Variants in STAU2 observed in about 807,000 individuals in gnomAD.
The protein encoded by STAU2 is double-stranded RNA-binding protein Staufen homolog 2.
In STAU2, 20 loss-of-function variants were observed where a neutral mutation model predicts 65.9. The observed-to-expected ratio is 0.30, with a 90% CI of 0.21 to 0.44. The LOEUF is 0.44. STAU2 is among the 20% of genes least tolerant of loss of function. STAU2 has a pLI of 1.00. For synonymous variants in STAU2, 232 were observed against 233.9 expected (o/e 0.99, Z 0.07); for missense variants, 558 against 683.9 (o/e 0.82, Z 2.05).
At chr8:73,444,180 G>C (rs1260443727) in intron 13 of STAU2, among the ~76,000 whole-genome samples, 2 of 152,176 alleles carry the variant, frequency 1.3e-5, no homozygotes, top group Non-Finnish European at 2.9e-5. Flanking sequence ...GCCGAGGCGG[G>C]CAGATCACTT....
At chr8:73,471,569 A>T (rs1219886599) in intron 13 of STAU2, among the ~76,000 whole-genome samples, 1 of 150,000 alleles carries the variant, frequency 6.7e-6, no homozygotes, top group Admixed American at 6.7e-5. Context: ...CTGTAATCCC[A>T]ACACTTTGGG....
At chr8:73,717,926 T>C (rs369304917) in intron 3 of STAU2, among the ~76,000 whole-genome samples, 8 of 152,182 alleles carry the variant, frequency 5.3e-5, no homozygotes, top group Non-Finnish European at 8.8e-5. Context: ...CCTGCAAAGA[T>C]TGAAATATAA....
intron 13 of STAU2, among the ~76,000 whole-genome samples, chr8:73,539,225 A>G (rs1806366118): frequency 6.6e-6 from 1 of 152,240 alleles, no homozygotes; most frequent in Admixed American, 6.5e-5. Flanking sequence ...GCAATCCAAC[A>G]TTACTTGCCA....
intron 6 of STAU2, among the ~76,000 whole-genome samples, chr8:73,623,336 C>G (rs752259864): frequency 6.6e-6 from 1 of 152,114 alleles, no homozygotes; most frequent in Non-Finnish European, 1.5e-5. Flanking sequence ...TCCTGAGTAT[C>G]ATTTTTACAA....
rs1213928763 is a variant in STAU2 at position 73,582,828 on chromosome 8, T to A, written c.1164A>T (p.Thr388=). 1 of 1,610,518 alleles carries A rather than the reference T, an allele frequency of 6.2e-7. No individual in the cohort carries two copies. The highest frequency in any genetic ancestry group is 1.1e-5 in the South Asian group (1 of 90,642). The stretch of plus-strand genomic sequence containing the variant: ...GACCACTCCATCCTTTGTTTTCCCC[T>A]GTCTGAAAGATTAAATCAATCGTTC... ...STNLQDQLEK[T]GENKGWSGPK... Residue 388 remains threonine, a splice_region_variant and synonymous_variant, in exon 12 of 15, where the codon ACA becomes ACT. Transcript: ENST00000524300.
At chr8:73,698,398 T>C (rs1387934105) in intron 4 of STAU2, among the ~76,000 whole-genome samples, 1 of 151,760 alleles carries the variant, frequency 6.6e-6, no homozygotes. Context: ...GATCCAATGA[T>C]CTAAACACAC....
At chr8:73,566,225 T>G (rs1052562598) in intron 12 of STAU2, among the ~76,000 whole-genome samples, 2 of 152,220 alleles carry the variant, frequency 1.3e-5, no homozygotes, top group Non-Finnish European at 2.9e-5. Flanking sequence ...AGAACACACT[T>G]GAATAACATC....
chr8:73,458,538 GAAC>G (rs1263445358), intron 13 of STAU2: 1 of 152,124 alleles, frequency 6.6e-6, no homozygotes, highest in African/African-American at 2.4e-5. Flanking sequence ...AAAAAACTGA[GAAC>G]AACAACAAAA....
chr8:73,450,748 T>C (rs935771436), intron 13 of STAU2, among the ~76,000 whole-genome samples: 4 of 152,228 alleles, frequency 2.6e-5, no homozygotes, highest in African/African-American at 9.6e-5. Context: ...CCTAACAATG[T>C]GTGCAAAACC....
chr8:73,423,570 G>A (rs16938650), intron 13 of STAU2, among the ~76,000 whole-genome samples: 18,748 of 152,140 alleles, frequency 0.12, 1,811 homozygotes, highest in African/African-American at 0.27. Flanking sequence ...GGGGCATCCC[G>A]CTGGGTCACA....
intron 13 of STAU2, among the ~76,000 whole-genome samples, chr8:73,526,409 T>C (rs1217082238): frequency 2.6e-5 from 4 of 152,212 alleles, no homozygotes; most frequent in African/African-American, 4.8e-5. Flanking sequence ...CATTGTGAAC[T>C]AGAAAGGTAT....
At chr8:73,735,560 A>G (rs77913296) in intron 3 of STAU2, among the ~76,000 whole-genome samples, 4,840 of 152,306 alleles carry the variant, frequency 0.032, 239 homozygotes, top group African/African-American at 0.097. Context: ...TGGATTTTCG[A>G]TTTTTGGATT....
chr8:73,742,034 T>C (rs541697259), intron 1 of STAU2, among the ~76,000 whole-genome samples: 1 of 152,320 alleles, frequency 6.6e-6, no homozygotes, highest in East Asian at 1.9e-4. Flanking sequence ...AAACCAGTTA[T>C]TTTAGATTTA....
At chr8:73,617,484 C>T (rs1812912759) in intron 6 of STAU2, 33 bp from the exon 7 acceptor site, 1 of 1,576,350 alleles carries the variant, frequency 6.3e-7, no homozygotes, top group Admixed American at 1.7e-5. Flanking sequence ...TTAAAGTTAG[C>T]TTAATAAAAC....
intron 12 of STAU2, among the ~76,000 whole-genome samples, chr8:73,554,623 G>C (rs578168715): frequency 2.0e-5 from 3 of 152,120 alleles, no homozygotes; most frequent in Non-Finnish European, 4.4e-5. Context: ...TGCTCACCCG[G>C]CATACAGGAG....
intron 13 of STAU2, among the ~76,000 whole-genome samples, chr8:73,513,035 T>A (rs1822501590): frequency 6.6e-6 from 1 of 152,234 alleles, no homozygotes; most frequent in African/African-American, 2.4e-5. Flanking sequence ...CAGCTTCTGC[T>A]TCCATTCACT....
At chr8:73,598,555 G>T (rs918489277) in intron 10 of STAU2, among the ~76,000 whole-genome samples, 1 of 152,036 alleles carries the variant, frequency 6.6e-6, no homozygotes, top group African/African-American at 2.4e-5. Flanking sequence ...ATGATAAAGG[G>T]CATTTTACAA....
At chr8:73,727,103 G>A (rs1364429408) in intron 3 of STAU2, among the ~76,000 whole-genome samples, 1 of 152,058 alleles carries the variant, frequency 6.6e-6, no homozygotes, top group Non-Finnish European at 1.5e-5. Context: ...GGCGGCAGGT[G>A]CCTGTAATCC....
At chr8:73,549,858 C>T (rs1807199021) in intron 13 of STAU2, 1 of 985,422 alleles carries the variant, frequency 1.0e-6, no homozygotes, top group South Asian at 4.7e-5. Flanking sequence ...CTGTAACAAG[C>T]TGGTCCTGTA....
Sources: gnomAD v4.1 joint callset for allele counts (sites outside exome capture counted in the v4.1 genomes callset) on GRCh38, gnomAD v4.1.1 for gene constraint, MANE v1.5 for transcripts, NCBI Gene and HGNC (gene_info 2026-07-23, HGNC 2026-07-21) for gene names.